The following DAZL variants were observed in gnomAD, a reference collection of about 807,000 sequenced individuals.
DAZL encodes deleted in azoospermia-like.
Under a neutral mutation model 45.0 loss-of-function variants are expected in DAZL, and 4 were observed. The ratio of observed to expected loss-of-function variants is 0.09; its 90% CI spans 0.04 to 0.20. The LOEUF (loss-of-function observed/expected upper bound fraction) is 0.20. Ranked by LOEUF, DAZL falls within the 10% of genes least tolerant of loss-of-function variation. The pLI is 1.00. For synonymous variants in DAZL, 122 were observed against 112.4 expected, an observed-to-expected ratio of 1.09 and a Z score of -0.54; for missense variants, 326 against 351.3, an observed-to-expected ratio of 0.93 and a Z score of 0.58.
chr3:16,592,916 A>G (rs73035063), intron 9 of DAZL, among the ~76,000 whole-genome samples: 28,402 of 152,106 alleles, frequency 0.19, 3,437 homozygotes, highest in African/African-American at 0.34. Context: ...TATGTGATTC[A>G]AGAGTGATAG....
At position 16,596,370 on chromosome 3, in the gene DAZL, A is replaced by C. The variant is rs575011735; in HGVS notation, c.498+380T>G. On this transcript the variant is annotated intron_variant, in intron 6 of 10. Transcript: ENST00000399444. ...CCAGAAGTCAGCAATTTATATGAGG[A>C]GGCATCTGGAAATCATTGCAAATAA... 4.6e-5 allele frequency among the ~76,000 whole-genome samples: 7 copies of C among 152,228 alleles called. No individual in the cohort carries two copies. The East Asian group carries it at 1.2e-3, about 25-fold the overall frequency.
intron 2 of DAZL, 87 bp from the exon 3 acceptor site, chr3:16,598,265 T>G: frequency 7.0e-7 from 1 of 1,425,584 alleles, no homozygotes; most frequent in Non-Finnish European, 9.8e-7. Context: ...GATGTGACAA[T>G]TTCTCCCCCA....
intron 3 of DAZL, 80 bp from the exon 4 acceptor site, chr3:16,597,621 T>A: frequency 1.1e-6 from 1 of 872,172 alleles, no homozygotes; most frequent in South Asian, 1.3e-5. Flanking sequence ...ACGGAAGTGA[T>A]CATGACTAAA....
intron 8 of DAZL, among the ~76,000 whole-genome samples, chr3:16,594,174 GT>G (rs1357893150): frequency 1.3e-5 from 2 of 151,866 alleles, no homozygotes; most frequent in African/African-American, 2.4e-5. Context: ...CTCTTCAACA[GT>G]TTTTTTTATG....
At chr3:16,595,660 C>T (rs1473426510) in intron 6 of DAZL, among the ~76,000 whole-genome samples, 1 of 151,938 alleles carries the variant, frequency 6.6e-6, no homozygotes, top group Non-Finnish European at 1.5e-5. Flanking sequence ...CTTATTCCCA[C>T]CCAGAAGTTA....
intron 3 of DAZL, 32 bp downstream of exon 3, chr3:16,598,055 A>G (rs1694627563): frequency 6.8e-7 from 1 of 1,480,434 alleles, no homozygotes; most frequent in Non-Finnish European, 9.4e-7. Context: ...ATACGTGGCT[A>G]GAGTTCAGAT....
intron 9 of DAZL, among the ~76,000 whole-genome samples, chr3:16,592,383 T>C (rs1694534760): frequency 1.3e-5 from 2 of 152,000 alleles, no homozygotes; most frequent in African/African-American, 4.8e-5. Flanking sequence ...CTGGCCAATA[T>C]GGTGAAACCC....
intron 1 of DAZL, among the ~76,000 whole-genome samples, chr3:16,604,219 T>A (rs549180736): frequency 8.3e-4 from 126 of 152,276 alleles, no homozygotes; most frequent in African/African-American, 2.8e-3. Context: ...CAGCATGTAA[T>A]ACGCGCGTTC....
chr3:16,604,670 A>C (rs1694747146), intron 1 of DAZL: 1 of 1,357,808 alleles, frequency 7.4e-7, no homozygotes, highest in Admixed American at 3.4e-5. Context: ...CCACTTCCTA[A>C]GGAAGCTCCG....
At chr3:16,597,635 T>C in intron 3 of DAZL, 94 bp from the exon 4 acceptor site, 2 of 799,832 alleles carry the variant, frequency 2.5e-6, no homozygotes, top group Non-Finnish European at 4.5e-6. Context: ...GACTAAAATA[T>C]GAATAATATA....
At chr3:16,591,366 T>A (rs1433274240) in intron 10 of DAZL, among the ~76,000 whole-genome samples, 1 of 152,098 alleles carries the variant, frequency 6.6e-6, no homozygotes. Context: ...TTTTCTCCCT[T>A]CACACTGTTC....
rs1694471564 is a variant in DAZL, at chr3:16,588,469, C to T, written c.*191G>A. ...TTTTTTACTTTCAACTATATTTCAA[C>T]ACAGAACCAGTTTCTAAATAAACAT... On this transcript the variant is annotated 3_prime_UTR_variant, in exon 11 of 11. Coordinates refer to ENST00000399444, the MANE Select transcript of DAZL (RefSeq NM_001351.4). The T allele has an allele frequency of 2.0e-6, 1 of 494,070 alleles. No individual in the cohort carries two copies. The highest frequency in any genetic ancestry group is 3.8e-6 in the Non-Finnish European group (1 of 265,600). The allele number at this position is 494,070 out of a possible 1,614,324, so 30.6% of individuals were successfully genotyped here. A position where few individuals can be genotyped will look rare whatever the true frequency, so the allele number is the denominator to read the frequency against.
In DAZL at chr3:16,595,411, T is replaced by C. The variant is rs761059545; in HGVS notation, c.499-26A>G. On this transcript the variant is annotated intron_variant, in intron 6 of 10. Transcript: ENST00000399444. The stretch of plus-strand genomic sequence containing the variant: ...CTGAAAATCAAGTTTACAGAAAGAA[T>C]GAATAATATAAAACATTTTTTAAAA... 8.2e-6 allele frequency: 11 copies of C among 1,341,246 alleles called. No individual in the cohort carries two copies. The East Asian group carries it at 1.9e-4, about 23-fold the overall frequency. The allele number at this position is 1,341,246 out of a possible 1,614,324, so 83.1% of individuals were successfully genotyped here. A position where few individuals can be genotyped will look rare whatever the true frequency, so the allele number is the denominator to read the frequency against.
At chr3:16,604,494 A>G in intron 1 of DAZL, 1 of 1,520,272 alleles carries the variant, frequency 6.6e-7, no homozygotes, top group Non-Finnish European at 8.8e-7. Flanking sequence ...CACACGAGGG[A>G]GCCGCCATCA....
Position 16,597,065 on chromosome 3 carries a change from A to C in DAZL, c.295-14T>G, listed in dbSNP as rs750405613. The C allele has an allele frequency of 5.0e-6, 8 of 1,609,894 alleles. No homozygotes were observed. Among genetic ancestry groups the C allele is most frequent in the Non-Finnish European group, 2.5e-6 (3 of 1,177,990 alleles). Reference sequence around the variant, plus strand: ...ATTTATCTGTGACTGAAAATAAAACAGTAACAAAACTAGAATCAATTTTCA... The same window carrying C: ...ATTTATCTGTGACTGAAAATAAAACCGTAACAAAACTAGAATCAATTTTCA... On this transcript the variant is annotated splice_polypyrimidine_tract_variant and intron_variant, in intron 4 of 10. Transcript: ENST00000399444.
intron 1 of DAZL, 94 bp downstream of exon 1, chr3:16,605,109 A>T: frequency 6.6e-7 from 1 of 1,513,944 alleles, no homozygotes; most frequent in East Asian, 2.3e-5. Flanking sequence ...AGGAAAGCCG[A>T]GGATGACTTC....
intron 10 of DAZL, among the ~76,000 whole-genome samples, chr3:16,591,646 G>A (rs1694520306): frequency 6.6e-6 from 1 of 152,100 alleles, no homozygotes; most frequent in African/African-American, 2.4e-5. Flanking sequence ...GTTGCCCAGG[G>A]TGGTCTCGAA....
At chr3:16,598,246 A>G in intron 2 of DAZL, 68 bp from the exon 3 acceptor site, 2 of 1,467,906 alleles carry the variant, frequency 1.4e-6, no homozygotes, top group Non-Finnish European at 1.9e-6. Flanking sequence ...TACTAAAAGA[A>G]GGTTCGATGA....
At position 16,591,977 on chromosome 3, in the gene DAZL, T is replaced by C. The variant is rs1437641202; in HGVS notation, c.834+73A>G. 22 of 1,509,282 alleles carry C rather than the reference T, an allele frequency of 1.5e-5. No homozygotes were observed. In the Admixed American group the frequency reaches 2.7e-4, roughly 19 times the overall value. 93.5% of individuals were successfully genotyped at this position (1,509,282 alleles called of 1,614,324 possible). A position where few individuals can be genotyped will look rare whatever the true frequency, so the allele number is the denominator to read the frequency against. On this transcript the variant is annotated intron_variant, in intron 10 of 10. Transcript: ENST00000399444. ...GCTCTAAGAAATCTCAAAATACATA[T>C]ACCACAAGGAAAACAGATACTTTAA...
Sources: allele counts gnomAD v4.1 joint callset (sites outside exome capture counted in the v4.1 genomes callset), GRCh38; gene constraint gnomAD v4.1.1; transcripts MANE v1.5; gene names NCBI Gene and HGNC (gene_info 2026-07-23, HGNC 2026-07-21).